CNTNAP2: variants seen among roughly 807,000 people sequenced by gnomAD.
CNTNAP2 encodes the protein contactin-associated protein-like 2.
In CNTNAP2, 98 loss-of-function variants were observed where a neutral mutation model predicts 155.2. The observed-to-expected ratio is 0.63, with a 90% confidence interval of 0.54 to 0.75. The LOEUF (loss-of-function observed/expected upper bound fraction) is 0.75, where lower values mean the gene tolerates loss of function less well. Among genes scored for constraint, CNTNAP2 ranks in the 30% least tolerant of loss-of-function variants. CNTNAP2 has a pLI of 0.00. For missense variants in CNTNAP2, 1,727 were observed against 1,688.1 expected, an observed-to-expected ratio of 1.02 and a Z score of -0.40; for synonymous variants, 651 against 631.2, an observed-to-expected ratio of 1.03 and a Z score of -0.47.
At chr7:148,177,667 T>A (rs1220624156) in intron 18 of CNTNAP2, among the ~76,000 whole-genome samples, 2 of 152,182 alleles carry the variant, frequency 1.3e-5, no homozygotes, top group Non-Finnish European at 2.9e-5. Flanking sequence ...ATGATTGCTA[T>A]TACTAGTGCT....
intron 21 of CNTNAP2, among the ~76,000 whole-genome samples, chr7:148,292,765 A>T (rs1797210885): frequency 6.6e-6 from 1 of 152,158 alleles, no homozygotes; most frequent in Non-Finnish European, 1.5e-5. Flanking sequence ...CCCAAACACT[A>T]GAATGAGGAC....
intron 14 of CNTNAP2, among the ~76,000 whole-genome samples, chr7:147,965,034 G>A (rs1563150997): frequency 6.6e-6 from 1 of 152,020 alleles, no homozygotes; most frequent in Non-Finnish European, 1.5e-5. Context: ...TTAATATGTT[G>A]GCCATCCTAT....
rs147167285 is a variant in CNTNAP2, at chr7:148,079,642, C to T, written c.2384-38476C>T. Among the ~76,000 whole-genome samples, 6 of 152,284 alleles carry T rather than the reference C, an allele frequency of 3.9e-5. No individual in the cohort carries two copies. In the East Asian group the frequency reaches 1.2e-3, roughly 29 times the overall value. On this transcript the variant is annotated intron_variant, in intron 15 of 23. Coordinates refer to ENST00000361727, the MANE Select transcript of CNTNAP2 (RefSeq NM_014141.6). The stretch of plus-strand genomic sequence containing the variant: ...CCCCACAAGAGACAGCTTTGCAGGG[C>T]CATTTCAAAAATTGCCAAAGAAATA...
chr7:146,932,710 C>G (rs568400804), intron 3 of CNTNAP2, among the ~76,000 whole-genome samples: 42 of 152,286 alleles, frequency 2.8e-4, no homozygotes, highest in Non-Finnish European at 5.9e-4. Context: ...CCCAAAATCT[C>G]CTTAAGCTGA....
chr7:147,132,583 G>GA, intron 8 of CNTNAP2, 74 bp downstream of exon 8: 1 of 1,592,648 alleles, frequency 6.3e-7, no homozygotes. Context: ...GCTTTGTTTG[G>GA]TTTTGCTGGT....
chr7:146,127,548 C>T (rs1395877664), intron 1 of CNTNAP2, among the ~76,000 whole-genome samples: 1 of 152,144 alleles, frequency 6.6e-6, no homozygotes, highest in Non-Finnish European at 1.5e-5. Context: ...AAATTTGAAA[C>T]CATGCTGTGA....
chr7:147,559,318 C>T (rs970564815), intron 11 of CNTNAP2, among the ~76,000 whole-genome samples: 3 of 152,330 alleles, frequency 2.0e-5, no homozygotes, highest in Admixed American at 6.5e-5. Flanking sequence ...ACAACATTCA[C>T]ATTGGCAAGC....
chr7:148,069,202 G>A (rs1388075064), intron 15 of CNTNAP2, among the ~76,000 whole-genome samples: 7 of 152,046 alleles, frequency 4.6e-5, no homozygotes, highest in Non-Finnish European at 7.4e-5. Context: ...ACTCCTTCTC[G>A]GCTGGAAGTA....
chr7:148,362,235 A>G (rs1798637797), intron 21 of CNTNAP2, among the ~76,000 whole-genome samples: 1 of 151,590 alleles, frequency 6.6e-6, no homozygotes, highest in Non-Finnish European at 1.5e-5. Context: ...ATCAGATCTC[A>G]TGAGAACTCA....
chr7:148,064,050 C>G (rs191898513), intron 15 of CNTNAP2, among the ~76,000 whole-genome samples: 1 of 151,946 alleles, frequency 6.6e-6, no homozygotes. Context: ...AAGTATTTGA[C>G]TTTTTTTCTG....
chr7:146,258,744 G>A (rs1584832156), intron 1 of CNTNAP2, among the ~76,000 whole-genome samples: 1 of 152,148 alleles, frequency 6.6e-6, no homozygotes, highest in African/African-American at 2.4e-5. Flanking sequence ...CCTCAGAGAT[G>A]AGCCATTCTT....
intron 11 of CNTNAP2, among the ~76,000 whole-genome samples, chr7:147,491,695 T>A (rs930564204): frequency 2.6e-5 from 4 of 152,198 alleles, no homozygotes; most frequent in African/African-American, 9.6e-5. Context: ...AACAGTGTTT[T>A]CTTTAAATTT....
intron 20 of CNTNAP2, among the ~76,000 whole-genome samples, chr7:148,247,601 C>A (rs1295610299): frequency 7.6e-6 from 1 of 132,228 alleles, no homozygotes; most frequent in Non-Finnish European, 1.6e-5. Flanking sequence ...CCCATTCTCT[C>A]TCTCTCTCTC....
At chr7:147,736,176 T>C (rs10243854) in intron 13 of CNTNAP2, among the ~76,000 whole-genome samples, 151,038 of 151,880 alleles carry the variant, frequency 0.99, 75,104 homozygotes, top group Middle Eastern at 1. Flanking sequence ...TTCCTTTCCA[T>C]GTTTAGTGCT....
intron 13 of CNTNAP2, among the ~76,000 whole-genome samples, chr7:147,713,545 C>G (rs566540196): frequency 6.6e-6 from 1 of 152,096 alleles, no homozygotes; most frequent in African/African-American, 2.4e-5. Context: ...ATACATTTAC[C>G]GGTTGGAGAA....
chr7:146,808,857 G>C (rs555634880), intron 2 of CNTNAP2, among the ~76,000 whole-genome samples: 1 of 152,004 alleles, frequency 6.6e-6, no homozygotes, highest in Non-Finnish European at 1.5e-5. Flanking sequence ...GTTCATTCAC[G>C]TTGTCACGAA....
intron 1 of CNTNAP2, among the ~76,000 whole-genome samples, chr7:146,190,090 A>G (rs1798680651): frequency 6.6e-6 from 1 of 152,232 alleles, no homozygotes; most frequent in Admixed American, 6.5e-5. Context: ...TAACGGAGAT[A>G]TACTTCAAAG....
chr7:148,407,750 A>G (rs1343734571), intron 22 of CNTNAP2, among the ~76,000 whole-genome samples: 2 of 151,440 alleles, frequency 1.3e-5, no homozygotes, highest in East Asian at 3.9e-4. Context: ...AAAACAAGCA[A>G]AAACCATCAG....
At chr7:146,830,303 AT>A (rs1803485689) in intron 2 of CNTNAP2, among the ~76,000 whole-genome samples, 1 of 151,966 alleles carries the variant, frequency 6.6e-6, no homozygotes, top group Non-Finnish European at 1.5e-5. Flanking sequence ...AGAACAATTT[AT>A]TGTGGGGGAA....
Sources: allele counts gnomAD v4.1 joint callset (sites outside exome capture counted in the v4.1 genomes callset), GRCh38; gene constraint gnomAD v4.1.1; transcripts MANE v1.5; gene names NCBI Gene and HGNC (gene_info 2026-07-23, HGNC 2026-07-21).